Variants in DEPTOR observed in about 807,000 individuals in gnomAD.
DEPTOR encodes the protein DEP domain-containing mTOR-interacting protein.
A neutral mutation model predicts 41.6 loss-of-function variants in DEPTOR; 41 were observed. The observed-to-expected ratio is 0.98, with a 90% CI of 0.77 to 1.28. DEPTOR has a LOEUF of 1.28. Among genes scored for constraint, DEPTOR ranks in the 50% most tolerant of loss-of-function variants. The pLI is 0.00. For missense variants in DEPTOR, 514 were observed against 527.9 expected (o/e 0.97, Z 0.26); for synonymous variants, 195 against 192.3 (o/e 1.01, Z -0.12).
At chr8:119,932,997 G>A (rs1008153074) in intron 3 of DEPTOR, among the ~76,000 whole-genome samples, 2 of 151,974 alleles carry the variant, frequency 1.3e-5, no homozygotes, top group Non-Finnish European at 2.9e-5. Context: ...GATGAGACAG[G>A]GCCAGTTCAT....
intron 1 of DEPTOR, among the ~76,000 whole-genome samples, chr8:119,881,299 A>T (rs1827293546): frequency 6.6e-6 from 1 of 152,188 alleles, no homozygotes; most frequent in Non-Finnish European, 1.5e-5. Context: ...AGGTGGGCAG[A>T]TCACTTGAGG....
intron 8 of DEPTOR, among the ~76,000 whole-genome samples, chr8:120,011,267 C>T (rs1300056929): frequency 2.6e-5 from 4 of 152,228 alleles, no homozygotes; most frequent in Non-Finnish European, 1.5e-5. Flanking sequence ...GAACACCTCA[C>T]TCATGTCAGG....
At chr8:120,048,834 G>A (rs145565714) in intron 8 of DEPTOR, among the ~76,000 whole-genome samples, 52 of 152,182 alleles carry the variant, frequency 3.4e-4, no homozygotes, top group African/African-American at 1.2e-3. Context: ...CATTTATATC[G>A]TTGAAACATA....
At chr8:119,980,646 C>T (rs948409144) in intron 4 of DEPTOR, among the ~76,000 whole-genome samples, 7 of 151,510 alleles carry the variant, frequency 4.6e-5, no homozygotes, top group African/African-American at 1.5e-4. Context: ...GCCTCCCAAG[C>T]AGCTGGGATT....
chr8:119,898,852 T>C (rs372516534), intron 1 of DEPTOR, among the ~76,000 whole-genome samples: 11 of 152,242 alleles, frequency 7.2e-5, no homozygotes, highest in African/African-American at 2.7e-4. Context: ...TGTTTTCTAG[T>C]TATTTTCCCC....
intron 4 of DEPTOR, among the ~76,000 whole-genome samples, chr8:119,969,153 G>T (rs1302670158): frequency 3.3e-5 from 5 of 151,864 alleles, no homozygotes; most frequent in Non-Finnish European, 5.9e-5. Context: ...CTTATACTAT[G>T]ATGTACTGAC....
chr8:120,022,303 T>G (rs139511062), intron 8 of DEPTOR, among the ~76,000 whole-genome samples: 31 of 152,306 alleles, frequency 2.0e-4, no homozygotes, highest in African/African-American at 7.2e-4. Flanking sequence ...GTGGGTTCAT[T>G]TTTGCTAATT....
At chr8:119,931,570 G>A (rs148724816) in intron 3 of DEPTOR, among the ~76,000 whole-genome samples, 53 of 152,238 alleles carry the variant, frequency 3.5e-4, no homozygotes, top group African/African-American at 9.9e-4. Context: ...TGTCCTTCCT[G>A]TGTTATGCGC....
chr8:119,996,445 T>C lies in DEPTOR; in HGVS notation c.605-5080T>C, dbSNP rs1444432291. Among the ~76,000 whole-genome samples the C allele has an allele frequency of 2.6e-5, 4 of 152,320 alleles. No homozygotes were observed. In the South Asian group the frequency reaches 6.2e-4, roughly 24 times the overall value. ...GCCCTCATGTTACCTGACTTCCTCA[T>C]GTTTGAGGTCACCTGTTCTATTGGG... On this transcript the variant is annotated intron_variant, in intron 4 of 8. Transcript: ENST00000286234.
intron 1 of DEPTOR, among the ~76,000 whole-genome samples, chr8:119,924,660 G>A (rs968743814): frequency 6.6e-6 from 1 of 152,068 alleles, no homozygotes; most frequent in Non-Finnish European, 1.5e-5. Context: ...GGTAAAACAG[G>A]CCTAAATCAC....
rs1812813199 is a variant in DEPTOR at position 120,027,299 on chromosome 8, A to G, written c.1101+18166A>G. Among the ~76,000 whole-genome samples, 3 of 151,774 alleles carry G rather than the reference A, an allele frequency of 2.0e-5. No homozygotes were observed. In the South Asian group the frequency reaches 6.2e-4, roughly 32 times the overall value. On this transcript the variant is annotated intron_variant, in intron 8 of 8. Coordinates refer to ENST00000286234, the MANE Select transcript of DEPTOR (RefSeq NM_022783.4). ...TAAAACATTTGTCAGAGGATGTCAC[A>G]TTTCTCATTGTATTTTCCCAACTTT...
At chr8:119,915,969 C>T (rs1031494953) in intron 1 of DEPTOR, among the ~76,000 whole-genome samples, 8 of 121,878 alleles carry the variant, frequency 6.6e-5, no homozygotes, top group Non-Finnish European at 1.0e-4. Context: ...AAAAAAAAAG[C>T]TGAAATGCTA....
At chr8:119,965,109 C>A in intron 3 of DEPTOR, 123 bp from the exon 4 acceptor site, 1 of 1,069,110 alleles carries the variant, frequency 9.4e-7, no homozygotes, top group Non-Finnish European at 1.3e-6. Flanking sequence ...TGTGGTGGCA[C>A]CTGACAGCTG....
At chr8:119,904,125 G>GTT (rs112778213) in intron 1 of DEPTOR, among the ~76,000 whole-genome samples, 21 of 146,640 alleles carry the variant, frequency 1.4e-4, no homozygotes, top group African/African-American at 4.3e-4. Flanking sequence ...TCTTTTTTTT[G>GTT]TTTTTTTTTT....
chr8:119,971,711 C>T (rs1828636145), intron 4 of DEPTOR, among the ~76,000 whole-genome samples: 1 of 152,118 alleles, frequency 6.6e-6, no homozygotes, highest in African/African-American at 2.4e-5. Flanking sequence ...AGGTCGGAGA[C>T]ATCGTAGATT....
chr8:119,974,951 C>A (rs1205214597), intron 4 of DEPTOR, among the ~76,000 whole-genome samples: 1 of 152,032 alleles, frequency 6.6e-6, no homozygotes, highest in Non-Finnish European at 1.5e-5. Context: ...TTACGAGTCT[C>A]TAGTGACTTA....
intron 3 of DEPTOR, among the ~76,000 whole-genome samples, chr8:119,934,784 T>C (rs79706006): frequency 0.028 from 4,237 of 152,330 alleles, 99 homozygotes; most frequent in Middle Eastern, 0.088. Context: ...CCCAGCTACC[T>C]GGGTGTGAAT....
At chr8:119,973,936 T>C (rs1828664165) in intron 4 of DEPTOR, among the ~76,000 whole-genome samples, 1 of 152,052 alleles carries the variant, frequency 6.6e-6, no homozygotes, top group African/African-American at 2.4e-5. Context: ...CTGCTGGCCA[T>C]GAAGAGAGAA....
Position 119,873,763 on chromosome 8 carries a change from A to G in DEPTOR, c.-84A>G. 6.4e-7 allele frequency: 1 copy of G among 1,558,558 alleles called. No individual in the cohort carries two copies. The highest frequency in any genetic ancestry group is 8.7e-7 in the Non-Finnish European group (1 of 1,152,174). ...CTGCCCCGAACAAAGATGGCGCGGG[A>G]AGCGTCTGTGAGGGCAGACTGATCC... On this transcript the variant is annotated 5_prime_UTR_variant, in exon 1 of 9. Transcript: ENST00000286234.
Sources: gnomAD v4.1 joint callset for allele counts (sites outside exome capture counted in the v4.1 genomes callset) on GRCh38, gnomAD v4.1.1 for gene constraint, MANE v1.5 for transcripts, NCBI Gene and HGNC (gene_info 2026-07-23, HGNC 2026-07-21) for gene names.